The following SUCLG2 variants were observed in gnomAD, a reference collection of about 807,000 sequenced individuals.
SUCLG2 encodes succinate--CoA ligase [GDP-forming] subunit beta, mitochondrial.
A neutral mutation model predicts 47.9 loss-of-function variants in SUCLG2; 42 were observed. The observed-to-expected ratio is 0.88, with a 90% CI of 0.69 to 1.14. The LOEUF (loss-of-function observed/expected upper bound fraction) is 1.14, where lower values mean the gene tolerates loss of function less well. Ranked by LOEUF, SUCLG2 falls within the 50% of genes most tolerant of loss-of-function variation. The pLI is 0.00. For synonymous variants in SUCLG2, 195 were observed against 197.3 expected (o/e 0.99, Z 0.10); for missense variants, 571 against 525.9 (o/e 1.09, Z -0.84).
chr3:67,366,003 G>T (rs1051978012), intron 10 of SUCLG2, among the ~76,000 whole-genome samples: 13 of 152,126 alleles, frequency 8.5e-5, no homozygotes, highest in Non-Finnish European at 1.3e-4. Context: ...TTTAAAATTT[G>T]TAACTTAATT....
At chr3:67,495,633 C>T (rs570276596) in intron 9 of SUCLG2, among the ~76,000 whole-genome samples, 165 bp downstream of exon 9, 6 of 137,708 alleles carry the variant, frequency 4.4e-5, no homozygotes, top group Admixed American at 2.5e-4. Flanking sequence ...GCCTGGGCAA[C>T]GGAGTAAGAC....
intron 2 of SUCLG2, among the ~76,000 whole-genome samples, chr3:67,607,917 G>T (rs11915709): frequency 0.027 from 4,119 of 152,234 alleles, 188 homozygotes; most frequent in African/African-American, 0.094. Context: ...CAGCCATGCG[G>T]AACTGTGAGT....
intron 2 of SUCLG2, among the ~76,000 whole-genome samples, chr3:67,608,379 C>G (rs996111376): frequency 2.0e-5 from 3 of 152,200 alleles, no homozygotes; most frequent in African/African-American, 7.2e-5. Flanking sequence ...GTGCTGCTAT[C>G]TCAGGTAAAA....
At chr3:67,479,790 A>G (rs540900849) in intron 9 of SUCLG2, among the ~76,000 whole-genome samples, 1 of 152,360 alleles carries the variant, frequency 6.6e-6, no homozygotes, top group Admixed American at 6.5e-5. Flanking sequence ...ATAGAAAGTC[A>G]CTTAAAAATT....
chr3:67,365,845 T>A (rs1440081796), intron 10 of SUCLG2, among the ~76,000 whole-genome samples: 1 of 152,186 alleles, frequency 6.6e-6, no homozygotes, highest in Non-Finnish European at 1.5e-5. Context: ...AACAAAACTA[T>A]AACGAAATAT....
chr3:67,427,078 T>C (rs1703321226), intron 9 of SUCLG2, among the ~76,000 whole-genome samples: 2 of 152,262 alleles, frequency 1.3e-5, no homozygotes, highest in South Asian at 2.1e-4. Context: ...AGGTTTTATA[T>C]ATTACCTGAA....
chr3:67,580,531 T>C (rs1214780199), intron 2 of SUCLG2, among the ~76,000 whole-genome samples: 1 of 152,176 alleles, frequency 6.6e-6, no homozygotes, highest in African/African-American at 2.4e-5. Context: ...TCACCCAACA[T>C]TTGCTAAGTG....
chr3:67,629,099 T>G (rs1575829016), intron 1 of SUCLG2, among the ~76,000 whole-genome samples: 1 of 152,226 alleles, frequency 6.6e-6, no homozygotes, highest in Non-Finnish European at 1.5e-5. Flanking sequence ...CTGCTGAATA[T>G]GAAGAGAGGC....
At chr3:67,441,496 T>C (rs986756847) in intron 9 of SUCLG2, among the ~76,000 whole-genome samples, 1 of 152,090 alleles carries the variant, frequency 6.6e-6, no homozygotes, top group Non-Finnish European at 1.5e-5. Flanking sequence ...CTTGAAAACA[T>C]ACTCCAAATA....
intron 1 of SUCLG2, among the ~76,000 whole-genome samples, chr3:67,631,072 C>T (rs1485784119): frequency 2.0e-5 from 3 of 152,160 alleles, no homozygotes; most frequent in African/African-American, 7.2e-5. Flanking sequence ...GAGGAAATTG[C>T]AGGCTGATGC....
intron 1 of SUCLG2, among the ~76,000 whole-genome samples, chr3:67,643,604 G>C (rs886789627): frequency 1.3e-5 from 2 of 152,198 alleles, no homozygotes; most frequent in Non-Finnish European, 2.9e-5. Flanking sequence ...AGGACTTACA[G>C]TATCCCCAGA....
chr3:67,582,309 C>A (rs910088730), intron 2 of SUCLG2, among the ~76,000 whole-genome samples: 7 of 152,124 alleles, frequency 4.6e-5, no homozygotes, highest in Non-Finnish European at 1.5e-5. Context: ...TTGTTCTCTT[C>A]TTTGTGTCCA....
chr3:67,411,241 G>C (rs969565263), intron 9 of SUCLG2, among the ~76,000 whole-genome samples: 1 of 151,758 alleles, frequency 6.6e-6, no homozygotes, highest in African/African-American at 2.4e-5. Flanking sequence ...AAAAAAAATA[G>C]CTAAGCAGAG....
intron 9 of SUCLG2, among the ~76,000 whole-genome samples, chr3:67,467,113 T>C (rs566341450): frequency 3.9e-5 from 6 of 152,334 alleles, no homozygotes; most frequent in Middle Eastern, 3.4e-3. Context: ...TACTAATTAA[T>C]GACCTCTGGC....
chr3:67,636,631 C>T (rs1346053909), intron 1 of SUCLG2, among the ~76,000 whole-genome samples: 3 of 151,212 alleles, frequency 2.0e-5, no homozygotes, highest in African/African-American at 7.3e-5. Flanking sequence ...GGATTACAGG[C>T]GTGAGCCACT....
At chr3:67,524,582 A>T (rs1035496965) in intron 4 of SUCLG2, among the ~76,000 whole-genome samples, 5 of 152,202 alleles carry the variant, frequency 3.3e-5, no homozygotes, top group Non-Finnish European at 5.9e-5. Context: ...TGATGTGTAT[A>T]AATGTGTGTA....
At chr3:67,489,225 T>C (rs1018240580) in intron 9 of SUCLG2, among the ~76,000 whole-genome samples, 1 of 152,142 alleles carries the variant, frequency 6.6e-6, no homozygotes, top group Non-Finnish European at 1.5e-5. Context: ...GAGGGCCAGA[T>C]ATTCTTGGAA....
At chr3:67,460,423 C>G (rs1279897699) in intron 9 of SUCLG2, among the ~76,000 whole-genome samples, 1 of 152,180 alleles carries the variant, frequency 6.6e-6, no homozygotes, top group Non-Finnish European at 1.5e-5. Flanking sequence ...TCTCATCAAT[C>G]TTCACATCAA....
At chr3:67,652,646 A>C (rs1168723501) in intron 1 of SUCLG2, among the ~76,000 whole-genome samples, 1 of 152,274 alleles carries the variant, frequency 6.6e-6, no homozygotes, top group East Asian at 1.9e-4. Context: ...TACTACTGGC[A>C]TGCAGATTAA....
Sources: allele counts gnomAD v4.1 joint callset (sites outside exome capture counted in the v4.1 genomes callset), GRCh38; gene constraint gnomAD v4.1.1; transcripts MANE v1.5; gene names NCBI Gene and HGNC (gene_info 2026-07-23, HGNC 2026-07-21).